SERGEF: variants seen among roughly 807,000 people sequenced by gnomAD.
SERGEF encodes the protein secretion-regulating guanine nucleotide exchange factor.
A neutral mutation model predicts 50.0 loss-of-function variants in SERGEF; 51 were observed. That is an observed-to-expected ratio of 1.02 (90% CI 0.81 to 1.29). The LOEUF (loss-of-function observed/expected upper bound fraction) is 1.29, where lower values mean the gene tolerates loss of function less well. Ranked by LOEUF, SERGEF falls within the 50% of genes most tolerant of loss-of-function variation. SERGEF has a pLI of 0.00. For synonymous variants in SERGEF, 205 were observed against 212.4 expected, an observed-to-expected ratio of 0.97 and a Z score of 0.30; for missense variants, 521 against 557.0, an observed-to-expected ratio of 0.94 and a Z score of 0.65.
chr11:18,002,568 C>T lies in SERGEF; in HGVS notation c.447+1873G>A, dbSNP rs140139790. On this transcript the variant is annotated intron_variant, in intron 4 of 10. Coordinates refer to ENST00000265965, the MANE Select transcript of SERGEF (RefSeq NM_012139.4). ...CTCTGAGCATCCTCCTATCCCAAGA[C>T]GGGTAAACCTCTATTTAACTTTTGA... 2.0e-4 allele frequency among the ~76,000 whole-genome samples: 30 copies of T among 152,322 alleles called. 1 individual carries two copies. Among genetic ancestry groups the T allele is most frequent in the Admixed American group, 1.3e-3 (20 of 15,300 alleles).
chr11:17,940,249 C>T (rs1474659041), intron 9 of SERGEF, among the ~76,000 whole-genome samples: 6 of 152,130 alleles, frequency 3.9e-5, no homozygotes. Flanking sequence ...ACATTCCTCT[C>T]CTTGTGGGCA....
Position 17,918,621 on chromosome 11 carries a change from A to ACACAC in SERGEF, c.1012-40378_1012-40377insGTGTG, listed in dbSNP as rs1565204522. On this transcript the variant is annotated intron_variant, in intron 9 of 10. Coordinates refer to ENST00000265965, the MANE Select transcript of SERGEF (RefSeq NM_012139.4). Reference sequence around the variant, plus strand: ...TAATCAGTAAGATAAATAAAGCAGGAACAGACACACACACACACACACACA... The same window carrying ACACAC: ...TAATCAGTAAGATAAATAAAGCAGGACACACACAGACACACACACACACACACACA... 3.5e-4 allele frequency: 63 copies of ACACAC among 182,490 alleles called. No individual in the cohort carries two copies. In the East Asian group the frequency reaches 4.7e-3, roughly 13 times the overall value. 11.3% of individuals were successfully genotyped at this position (182,490 alleles called of 1,614,324 possible). A position where few individuals can be genotyped will look rare whatever the true frequency, so the allele number is the denominator to read the frequency against.
At chr11:17,801,379 G>A (rs924641681) in intron 10 of SERGEF, among the ~76,000 whole-genome samples, 4 of 152,194 alleles carry the variant, frequency 2.6e-5, no homozygotes, top group Non-Finnish European at 5.9e-5. Flanking sequence ...AAAATGCAGG[G>A]AGCAGATTTA....
intron 10 of SERGEF, among the ~76,000 whole-genome samples, chr11:17,876,467 A>C (rs922166598): frequency 2.0e-5 from 3 of 152,226 alleles, no homozygotes; most frequent in African/African-American, 7.2e-5. Context: ...GAAAAGAGAA[A>C]CCAAAGGAAT....
chr11:17,855,096 A>T (rs1257748669), intron 10 of SERGEF: 1 of 152,228 alleles, frequency 6.6e-6, no homozygotes, highest in Non-Finnish European at 1.5e-5. Context: ...TGAAAATTAT[A>T]ATGAAACTAT....
At chr11:17,914,404 G>A (rs920455785) in intron 9 of SERGEF, among the ~76,000 whole-genome samples, 2 of 149,208 alleles carry the variant, frequency 1.3e-5, no homozygotes, top group African/African-American at 4.9e-5. Context: ...CATTTTTAAT[G>A]TTTTTATTTT....
At chr11:17,809,445 T>C (rs1330545570) in intron 10 of SERGEF, among the ~76,000 whole-genome samples, 2 of 152,208 alleles carry the variant, frequency 1.3e-5, no homozygotes, top group Admixed American at 1.3e-4. Context: ...ATCAGATCTG[T>C]GCCTCAGAGG....
At chr11:17,895,339 T>C (rs537962943) in intron 9 of SERGEF, among the ~76,000 whole-genome samples, 69 of 152,362 alleles carry the variant, frequency 4.5e-4, no homozygotes, top group Middle Eastern at 3.4e-3. Flanking sequence ...TCATAGCAAG[T>C]GTATACAATA....
At chr11:17,930,874 T>C (rs1403819360) in intron 9 of SERGEF, among the ~76,000 whole-genome samples, 2 of 152,178 alleles carry the variant, frequency 1.3e-5, no homozygotes, top group Non-Finnish European at 2.9e-5. Flanking sequence ...TAGCTGCATG[T>C]CAGTCAGCTG....
chr11:17,894,186 C>T (rs1001439221), intron 9 of SERGEF, among the ~76,000 whole-genome samples: 6 of 152,164 alleles, frequency 3.9e-5, no homozygotes, highest in African/African-American at 1.2e-4. Flanking sequence ...TCAAACCCCT[C>T]CACACAGCAT....
At chr11:17,979,260 C>T (rs571367592) in intron 8 of SERGEF, among the ~76,000 whole-genome samples, 7 of 152,198 alleles carry the variant, frequency 4.6e-5, no homozygotes, top group Non-Finnish European at 8.8e-5. Context: ...TGCCAGGATT[C>T]CTCGCAAACC....
intron 8 of SERGEF, among the ~76,000 whole-genome samples, chr11:17,967,684 G>T (rs1366756692): frequency 6.6e-6 from 1 of 152,334 alleles, no homozygotes; most frequent in East Asian, 1.9e-4. Context: ...CTAGGGAAGA[G>T]CATGGCAGGA....
chr11:17,815,998 G>C lies in SERGEF; in HGVS notation c.1049-27585C>G, dbSNP rs1590131401. 3.9e-5 allele frequency among the ~76,000 whole-genome samples: 6 copies of C among 152,298 alleles called. No individual in the cohort carries two copies. The South Asian group carries it at 1.2e-3, about 32-fold the overall frequency. ...GAAGATAATGTTTTTGCTAGTTAAT[G>C]AGTGGTCTTCCTCCTGAAGGCAAAT... is the stretch of plus-strand genomic sequence containing the variant. On this transcript the variant is annotated intron_variant, in intron 10 of 10. Coordinates refer to ENST00000265965, the MANE Select transcript of SERGEF (RefSeq NM_012139.4).
intron 10 of SERGEF, among the ~76,000 whole-genome samples, chr11:17,861,732 G>C (rs1590162653): frequency 6.6e-6 from 1 of 152,388 alleles, no homozygotes; most frequent in African/African-American, 2.4e-5. Context: ...TTTGGCCTAG[G>C]CCTGGAGTTG....
intron 8 of SERGEF, among the ~76,000 whole-genome samples, chr11:17,971,731 T>C (rs1011424376): frequency 6.6e-6 from 1 of 152,240 alleles, no homozygotes; most frequent in Admixed American, 6.5e-5. Flanking sequence ...AGGAGTCATT[T>C]TGTCTTCTAA....
chr11:17,918,671 C>T (rs1281063075), intron 9 of SERGEF: 2 of 454,126 alleles, frequency 4.4e-6, no homozygotes, highest in Admixed American at 2.4e-5. Context: ...CACTCTCTCT[C>T]TCTCTCTCTT....
intron 10 of SERGEF, among the ~76,000 whole-genome samples, chr11:17,806,450 T>A (rs1422573175): frequency 1.3e-5 from 2 of 152,194 alleles, no homozygotes; most frequent in Admixed American, 1.3e-4. Context: ...ATGTTCTGGA[T>A]CACTATTTTA....
At chr11:17,897,953 T>G (rs960963549) in intron 9 of SERGEF, among the ~76,000 whole-genome samples, 6 of 152,208 alleles carry the variant, frequency 3.9e-5, no homozygotes, top group African/African-American at 7.2e-5. Flanking sequence ...AAAGCACAAT[T>G]TGAAACCTTA....
chr11:17,924,413 A>G (rs1187355864), intron 9 of SERGEF, among the ~76,000 whole-genome samples: 1 of 152,210 alleles, frequency 6.6e-6, no homozygotes, highest in African/African-American at 2.4e-5. Flanking sequence ...AGGAACTGCA[A>G]GTCTGGCTAT....
Sources: gnomAD v4.1 joint callset for allele counts (sites outside exome capture counted in the v4.1 genomes callset) on GRCh38, gnomAD v4.1.1 for gene constraint, MANE v1.5 for transcripts, NCBI Gene and HGNC (gene_info 2026-07-23, HGNC 2026-07-21) for gene names.